The following TMEM120B variants were observed in gnomAD, a reference collection of about 807,000 sequenced individuals.
TMEM120B encodes the protein transmembrane protein 120B.
In TMEM120B, 31 loss-of-function variants were observed where a neutral mutation model predicts 55.5. The observed-to-expected ratio is 0.56, with a 90% confidence interval of 0.42 to 0.75. The LOEUF is 0.75. TMEM120B is among the 30% of genes least tolerant of loss of function. The pLI is 0.00. For missense variants in TMEM120B, 399 were observed against 425.5 expected (o/e 0.94, Z 0.55); for synonymous variants, 203 against 176.3 (o/e 1.15, Z -1.20).
At chr12:121,742,080 G>A (rs1872949317) in intron 1 of TMEM120B, among the ~76,000 whole-genome samples, 1 of 150,846 alleles carries the variant, frequency 6.6e-6, no homozygotes, top group African/African-American at 2.4e-5. Context: ...TCAGCTCACT[G>A]CAACCTCCGA....
intron 1 of TMEM120B, among the ~76,000 whole-genome samples, chr12:121,714,396 C>T (rs1395745631): frequency 6.6e-6 from 1 of 151,616 alleles, no homozygotes; most frequent in Non-Finnish European, 1.5e-5. Context: ...GCTGGAATTA[C>T]GGGTGTGCGC....
intron 6 of TMEM120B, among the ~76,000 whole-genome samples, chr12:121,762,594 C>T (rs989062936): frequency 6.6e-6 from 1 of 152,146 alleles, no homozygotes; most frequent in African/African-American, 2.4e-5. Context: ...ACCCTGATAG[C>T]CGTCACTGGG....
chr12:121,740,485 T>TA (rs893954465), intron 1 of TMEM120B, among the ~76,000 whole-genome samples: 42 of 143,432 alleles, frequency 2.9e-4, no homozygotes, highest in East Asian at 4.1e-4. Flanking sequence ...GACTCTGTCT[T>TA]AAAAAAAAAA....
At chr12:121,768,813 G>A (rs541862093) in intron 6 of TMEM120B, among the ~76,000 whole-genome samples, 4 of 146,402 alleles carry the variant, frequency 2.7e-5, no homozygotes, top group South Asian at 2.1e-4. Flanking sequence ...TGCTGGGGGT[G>A]GGGGGTGACA....
intron 1 of TMEM120B, among the ~76,000 whole-genome samples, chr12:121,738,653 T>C (rs183774316): frequency 1.3e-5 from 2 of 152,326 alleles, no homozygotes; most frequent in East Asian, 1.9e-4. Flanking sequence ...AGATAACTTA[T>C]TAATTACCAG....
At chr12:121,718,523 T>C (rs564180620) in intron 1 of TMEM120B, among the ~76,000 whole-genome samples, 3 of 151,656 alleles carry the variant, frequency 2.0e-5, no homozygotes, top group African/African-American at 7.3e-5. Flanking sequence ...AATGAATGAG[T>C]GAATGAATGA....
At chr12:121,715,643 G>A (rs1206523104) in intron 1 of TMEM120B, among the ~76,000 whole-genome samples, 2 of 152,118 alleles carry the variant, frequency 1.3e-5, no homozygotes, top group South Asian at 2.1e-4. Context: ...GGAAGAGGGA[G>A]CCTGCTTGCT....
chr12:121,775,797 C>A lies in TMEM120B; in HGVS notation c.*75C>A. The stretch of plus-strand genomic sequence containing the variant: ...CCGGGCTCCTTCCCAGCAGCCCTCT[C>A]AGGCCCGTGGCATCGCTGGGAGAGG... On this transcript the variant is annotated 3_prime_UTR_variant, in exon 12 of 12. Transcript: ENST00000449592. The surrounding 1 kb of genome is among the most constrained non-coding windows in gnomAD (Gnocchi z 4.3). The A allele has an allele frequency of 6.6e-7, 1 of 1,514,586 alleles. No homozygotes were observed. Among genetic ancestry groups the A allele is most frequent in the Non-Finnish European group, 9.1e-7 (1 of 1,102,138 alleles). The allele number at this position is 1,514,586 out of a possible 1,614,324, so 93.8% of individuals were successfully genotyped here. A position where few individuals can be genotyped will look rare whatever the true frequency, so the allele number is the denominator to read the frequency against.
chr12:121,781,364 G>C lies in TMEM120B; in HGVS notation c.*5642G>C. ...CACAGGCCTGTGGTCGCAGCTACTC[G>C]GGAGGCTGAGGCCGGAGGATCGCTT... On this transcript the variant is annotated 3_prime_UTR_variant, in exon 12 of 12. Coordinates refer to ENST00000449592, the MANE Select transcript of TMEM120B (RefSeq NM_001080825.2). 1.7e-6 allele frequency: 1 copy of C among 604,018 alleles called. No individual in the cohort carries two copies. The highest frequency in any genetic ancestry group is 2.0e-5 in the South Asian group (1 of 50,928). The allele number at this position is 604,018 out of a possible 1,614,324, so 37.4% of individuals were successfully genotyped here.
At chr12:121,728,151 G>T (rs1368942107) in intron 1 of TMEM120B, among the ~76,000 whole-genome samples, 1 of 151,654 alleles carries the variant, frequency 6.6e-6, no homozygotes, top group Non-Finnish European at 1.5e-5. Flanking sequence ...GGGATTACAG[G>T]TGCCTGCCAG....
At chr12:121,714,664 C>T (rs763683230) in intron 1 of TMEM120B, among the ~76,000 whole-genome samples, 5 of 149,224 alleles carry the variant, frequency 3.4e-5, no homozygotes, top group Admixed American at 6.8e-5. Context: ...CGGATTCAAG[C>T]GATTCTCCTG....
Position 121,775,564 on chromosome 12 carries a change from C to G in TMEM120B, c.907-45C>G. 6.3e-7 allele frequency: 1 copy of G among 1,584,476 alleles called. No individual in the cohort carries two copies. The highest frequency in any genetic ancestry group is 8.6e-7 in the Non-Finnish European group (1 of 1,163,454). On this transcript the variant is annotated intron_variant, in intron 11 of 11. Transcript: ENST00000449592. The surrounding 1 kb of genome is among the most constrained non-coding windows in gnomAD (Gnocchi z 4.3). ...TGGGGTGCTGGGGGCAGGGGTTCAG[C>G]AGGGCAGATGCCCCAGCCTCGCCCT... is the stretch of plus-strand genomic sequence containing the variant.
intron 1 of TMEM120B, among the ~76,000 whole-genome samples, chr12:121,724,755 C>T (rs1013619035): frequency 1.3e-5 from 2 of 151,872 alleles, no homozygotes; most frequent in East Asian, 3.9e-4. Flanking sequence ...GGACTACAGG[C>T]GCCCGCCACC....
chr12:121,734,276 G>A (rs1434328059), intron 1 of TMEM120B, among the ~76,000 whole-genome samples: 1 of 151,060 alleles, frequency 6.6e-6, no homozygotes, highest in Admixed American at 6.6e-5. Context: ...CTTTTTTTTT[G>A]AGATGGAGTT....
chr12:121,726,922 A>AG (rs1321559151), intron 1 of TMEM120B, among the ~76,000 whole-genome samples: 2 of 149,080 alleles, frequency 1.3e-5, no homozygotes, highest in East Asian at 3.9e-4. Context: ...AAAAAAAAAA[A>AG]AAAAAAAAAA....
At chr12:121,767,143 G>A (rs1873875231) in intron 6 of TMEM120B, among the ~76,000 whole-genome samples, 1 of 151,830 alleles carries the variant, frequency 6.6e-6, no homozygotes, top group East Asian at 1.9e-4. Flanking sequence ...AAGGCCGTGA[G>A]CTCCTGCAAG....
chr12:121,754,934 C>T (rs1873437274), intron 5 of TMEM120B, among the ~76,000 whole-genome samples: 1 of 152,168 alleles, frequency 6.6e-6, no homozygotes, highest in Non-Finnish European at 1.5e-5. Context: ...GAACCTCTCC[C>T]AGCCTCAGTT....
chr12:121,738,151 C>T (rs980352672), intron 1 of TMEM120B, among the ~76,000 whole-genome samples: 2 of 151,120 alleles, frequency 1.3e-5, no homozygotes, highest in Admixed American at 6.6e-5. Flanking sequence ...CCCAGCTACT[C>T]GGGAGGCTGA....
intron 3 of TMEM120B, 55 bp downstream of exon 3, chr12:121,748,497 C>T: frequency 1.6e-6 from 2 of 1,217,214 alleles, no homozygotes; most frequent in Non-Finnish European, 2.4e-6. Flanking sequence ...AGGCCTAGCA[C>T]AGCTGGTCCA....
Sources: allele counts gnomAD v4.1 joint callset (sites outside exome capture counted in the v4.1 genomes callset), GRCh38; gene constraint gnomAD v4.1.1; non-coding constraint Gnocchi (gnomAD v3.1); transcripts MANE v1.5; gene names NCBI Gene and HGNC (gene_info 2026-07-23, HGNC 2026-07-21).